The following EIPR1 variants were observed in gnomAD, a reference collection of about 807,000 sequenced individuals.
EIPR1 encodes the protein EARP complex and GARP complex interacting protein 1.
A neutral mutation model predicts 48.1 loss-of-function variants in EIPR1; 25 were observed. The ratio of observed to expected loss-of-function variants is 0.52; its 90% CI spans 0.38 to 0.73. The LOEUF (loss-of-function observed/expected upper bound fraction) is 0.73. EIPR1 is among the 30% of genes least tolerant of loss of function. The pLI is 0.00. For synonymous variants in EIPR1, 204 were observed against 201.9 expected (o/e 1.01, Z -0.09); for missense variants, 415 against 506.2 (o/e 0.82, Z 1.73).
intron 3 of EIPR1, among the ~76,000 whole-genome samples, chr2:3,310,327 G>A (rs1669084420): frequency 6.6e-6 from 1 of 152,100 alleles, no homozygotes; most frequent in African/African-American, 2.4e-5. Context: ...AGGGAGAGAA[G>A]AAATACCAGT....
intron 3 of EIPR1, among the ~76,000 whole-genome samples, chr2:3,324,914 G>T (rs1669648457): frequency 6.6e-6 from 1 of 152,214 alleles, no homozygotes; most frequent in Non-Finnish European, 1.5e-5. Context: ...CACAGGAGCT[G>T]TAACAACCTG....
intron 3 of EIPR1, among the ~76,000 whole-genome samples, chr2:3,270,175 G>T (rs1667662025): frequency 2.6e-5 from 4 of 152,228 alleles, no homozygotes. Flanking sequence ...GCACAAAGCA[G>T]GGGTGAAACA....
At chr2:3,278,275 C>T (rs1391021458) in intron 3 of EIPR1, among the ~76,000 whole-genome samples, 1 of 152,200 alleles carries the variant, frequency 6.6e-6, no homozygotes, top group East Asian at 1.9e-4. Context: ...TGCTGCCATC[C>T]ACACCACATG....
chr2:3,192,697 G>T, intron 7 of EIPR1, 116 bp from the exon 8 acceptor site: 1 of 1,035,626 alleles, frequency 9.7e-7, no homozygotes, highest in Non-Finnish European at 1.4e-6. Context: ...GCACTGCCAG[G>T]CAATCGGCCC....
chr2:3,217,430 A>G (rs1665675862), intron 4 of EIPR1, among the ~76,000 whole-genome samples: 2 of 152,242 alleles, frequency 1.3e-5, no homozygotes, highest in African/African-American at 2.4e-5. Context: ...TTGATGTTTA[A>G]CTTCAATAAA....
intron 1 of EIPR1, among the ~76,000 whole-genome samples, chr2:3,361,817 C>T (rs575838174): frequency 2.2e-4 from 33 of 151,192 alleles, no homozygotes; most frequent in Admixed American, 1.6e-3. Context: ...CTCCCTCACA[C>T]GGGCACCTCC....
At chr2:3,273,942 A>G (rs1471386929) in intron 3 of EIPR1, among the ~76,000 whole-genome samples, 1 of 152,258 alleles carries the variant, frequency 6.6e-6, no homozygotes, top group Non-Finnish European at 1.5e-5. Flanking sequence ...GCAGGCAACA[A>G]AAGACTATCA....
At chr2:3,200,649 A>AGGGGC (rs1491382119) in intron 5 of EIPR1, among the ~76,000 whole-genome samples, 1 of 139,478 alleles carries the variant, frequency 7.2e-6, no homozygotes, top group Non-Finnish European at 1.6e-5. Context: ...AGGTGGACAC[A>AGGGGC]GGGGCGGGGC....
At chr2:3,270,865 T>C (rs1667682778) in intron 3 of EIPR1, among the ~76,000 whole-genome samples, 1 of 152,240 alleles carries the variant, frequency 6.6e-6, no homozygotes, top group South Asian at 2.1e-4. Flanking sequence ...TGACTCTTCT[T>C]TTCATGAAAG....
chr2:3,282,066 A>T (rs1167582601), intron 3 of EIPR1, among the ~76,000 whole-genome samples: 1 of 152,252 alleles, frequency 6.6e-6, no homozygotes, highest in African/African-American at 2.4e-5. Context: ...AAGCTCACTG[A>T]TGAGAGCCAG....
chr2:3,268,751 G>A (rs1667573060), intron 3 of EIPR1, among the ~76,000 whole-genome samples: 1 of 152,202 alleles, frequency 6.6e-6, no homozygotes, highest in Non-Finnish European at 1.5e-5. Flanking sequence ...AGTGCACAGG[G>A]GTGGGAAGTA....
intron 3 of EIPR1, among the ~76,000 whole-genome samples, chr2:3,283,352 C>T (rs1358220199): frequency 1.3e-5 from 2 of 152,204 alleles, no homozygotes; most frequent in Non-Finnish European, 2.9e-5. Flanking sequence ...TGGAGGCACC[C>T]GAGGGGCTGC....
chr2:3,265,712 G>A (rs950287996), intron 3 of EIPR1, among the ~76,000 whole-genome samples: 7 of 152,316 alleles, frequency 4.6e-5, no homozygotes, highest in Middle Eastern at 6.8e-3. Flanking sequence ...CACAGAAACT[G>A]TGTCTGTGCC....
intron 3 of EIPR1, among the ~76,000 whole-genome samples, chr2:3,266,173 C>T (rs1667479653): frequency 6.6e-6 from 1 of 152,336 alleles, no homozygotes; most frequent in African/African-American, 2.4e-5. Flanking sequence ...ATAGTAGCTC[C>T]AGTCAGCCCG....
Position 3,203,449 on chromosome 2 carries a change from G to A in EIPR1, c.517-6432C>T, listed in dbSNP as rs116537707. Reference sequence around the variant, plus strand: ...ATAAACCTGATTGAAGGGGAACCACGTGCCGGTAGTCAGCGACAAAACAGA... The same window carrying A: ...ATAAACCTGATTGAAGGGGAACCACATGCCGGTAGTCAGCGACAAAACAGA... On this transcript the variant is annotated intron_variant, in intron 5 of 8. Coordinates refer to ENST00000382125, the MANE Select transcript of EIPR1 (RefSeq NM_003310.5). Among the ~76,000 whole-genome samples the A allele has an allele frequency of 8.2e-3, 1,251 of 152,354 alleles. 16 individuals carry two copies. Among genetic ancestry groups the A allele is most frequent in the African/African-American group, 0.029 (1,212 of 41,574 alleles).
chr2:3,211,641 T>C (rs1221147782), intron 5 of EIPR1, among the ~76,000 whole-genome samples: 2 of 152,206 alleles, frequency 1.3e-5, no homozygotes, highest in African/African-American at 4.8e-5. Flanking sequence ...TCCTGAAGCA[T>C]ACTCCCTTCC....
intron 8 of EIPR1, among the ~76,000 whole-genome samples, chr2:3,191,924 G>A (rs746911374): frequency 2.0e-5 from 3 of 152,174 alleles, no homozygotes; most frequent in Admixed American, 6.5e-5. Flanking sequence ...AGTAGGACCC[G>A]GGTTTGAGAC....
intron 4 of EIPR1, among the ~76,000 whole-genome samples, chr2:3,256,391 AC>A (rs1330990310): frequency 6.6e-6 from 1 of 151,340 alleles, no homozygotes; most frequent in Non-Finnish European, 1.5e-5. Flanking sequence ...AGTTGTGTAC[AC>A]CCTGGGTCTC....
intron 4 of EIPR1, among the ~76,000 whole-genome samples, chr2:3,255,385 G>A (rs1279541932): frequency 1.3e-5 from 2 of 152,148 alleles, no homozygotes; most frequent in African/African-American, 2.4e-5. Context: ...GTTTCACCAT[G>A]TTGGCCAGGC....
Sources: gnomAD v4.1 joint callset for allele counts (sites outside exome capture counted in the v4.1 genomes callset) on GRCh38, gnomAD v4.1.1 for gene constraint, MANE v1.5 for transcripts, NCBI Gene and HGNC (gene_info 2026-07-23, HGNC 2026-07-21) for gene names.